SETD3: variants seen among roughly 807,000 people sequenced by gnomAD.
SETD3 encodes actin-histidine N-methyltransferase.
SETD3 carries 19 observed loss-of-function variants against 63.0 expected under a neutral mutation model. The ratio of observed to expected loss-of-function variants is 0.30; its 90% CI spans 0.21 to 0.44. SETD3 has a LOEUF of 0.44. Among genes scored for constraint, SETD3 ranks in the 20% least tolerant of loss-of-function variants. The pLI, the probability that SETD3 is intolerant of heterozygous loss-of-function variation, is 1.00. For synonymous variants in SETD3, 286 were observed against 264.1 expected (o/e 1.08, Z -0.80); for missense variants, 587 against 728.5 (o/e 0.81, Z 2.24).
At chr14:99,410,270 G>C (rs770207587) in intron 8 of SETD3, 3 of 1,612,006 alleles carry the variant, frequency 1.9e-6, no homozygotes, top group South Asian at 1.1e-5. Context: ...CGGAGGGTGT[G>C]GGGGGACAGG....
At position 99,399,062 on chromosome 14, in the gene SETD3, G is replaced by A. The variant is rs113162506; in HGVS notation, c.1402C>T (p.Arg468Cys). 6.1e-5 allele frequency: 98 copies of A among 1,613,962 alleles called. No homozygotes were observed. The highest frequency in any genetic ancestry group is 8.0e-5 in the Non-Finnish European group (94 of 1,180,046). Reference protein sequence around the residue: ...SVRAKMAIKLRLGEKEILEKA... With the variant: ...SVRAKMAIKLCLGEKEILEKA... Reference sequence around the variant, plus strand: ...TCCAAAATCTCTTTCTCACCTAAGCGCAATTTGATGGCCATTTTTGCACGA... The same window carrying A: ...TCCAAAATCTCTTTCTCACCTAAGCACAATTTGATGGCCATTTTTGCACGA... Residue 468 changes from arginine (R) to cysteine (C), a missense_variant, in exon 13 of 13, where the codon CGC (arginine) becomes TGC (cysteine). Arg to Cys is a radical substitution (Grantham distance 180). Coordinates refer to ENST00000331768, the MANE Select transcript of SETD3 (RefSeq NM_032233.3).
chr14:99,470,654 G>A (rs1226768411), intron 1 of SETD3, among the ~76,000 whole-genome samples: 1 of 152,106 alleles, frequency 6.6e-6, no homozygotes, highest in Non-Finnish European at 1.5e-5. Flanking sequence ...CCAGGCAGTC[G>A]GGCGTGAACT....
At chr14:99,486,133 C>T in the SETD3 span, among the ~76,000 whole-genome samples, 10 of 152,296 alleles carry the variant, frequency 6.6e-5, no homozygotes, top group African/African-American at 2.4e-4. Flanking sequence ...GTAAACTTTC[C>T]TTAGTTCCTT....
chr14:99,428,697 G>A (rs575484417), intron 6 of SETD3, among the ~76,000 whole-genome samples: 1 of 152,120 alleles, frequency 6.6e-6, no homozygotes, highest in Non-Finnish European at 1.5e-5. Context: ...AGAAAATGTG[G>A]GGAGGGGGTA....
intron 11 of SETD3, among the ~76,000 whole-genome samples, chr14:99,400,546 T>C (rs1376978905): frequency 2.0e-5 from 3 of 152,144 alleles, no homozygotes; most frequent in Non-Finnish European, 4.4e-5. Flanking sequence ...TTTAGACAGT[T>C]TCACAAGATA....
At chr14:99,485,744 C>A (rs1029435919), upstream of SETD3, among the ~76,000 whole-genome samples, 1 of 152,130 alleles carries the variant, frequency 6.6e-6, no homozygotes, top group South Asian at 2.1e-4. Context: ...CCTGTAATCC[C>A]AGCTACTCAG....
intron 1 of SETD3, among the ~76,000 whole-genome samples, chr14:99,479,364 T>C (rs1323382165): frequency 6.6e-6 from 1 of 152,240 alleles, no homozygotes. Flanking sequence ...CGGCAGCCCT[T>C]GGGACTAATC....
chr14:99,403,455 A>T (rs10145009), intron 11 of SETD3, among the ~76,000 whole-genome samples: 11,670 of 134,746 alleles, frequency 0.087, 573 homozygotes, highest in African/African-American at 0.12. Flanking sequence ...ACACACACAC[A>T]CTCTCTCTCT....
intron 6 of SETD3, 152 bp from the exon 7 acceptor site, chr14:99,414,086 C>T (rs550717094): frequency 2.8e-5 from 19 of 678,542 alleles, no homozygotes; most frequent in African/African-American, 2.5e-4. Context: ...GAGGGATCAT[C>T]GCGCTGTTAT....
At chr14:99,452,822 G>A (rs1894533307) in intron 6 of SETD3, among the ~76,000 whole-genome samples, 1 of 152,340 alleles carries the variant, frequency 6.6e-6, no homozygotes, top group East Asian at 1.9e-4. Flanking sequence ...ATGGCCTGTA[G>A]ACCTCCGAGC....
At chr14:99,475,719 C>T (rs1895940475) in intron 1 of SETD3, among the ~76,000 whole-genome samples, 1 of 152,164 alleles carries the variant, frequency 6.6e-6, no homozygotes, top group African/African-American at 2.4e-5. Context: ...ATGGACTACC[C>T]ACCTTCCTGG....
chr14:99,459,665 A>G (rs909497826), intron 4 of SETD3, among the ~76,000 whole-genome samples: 8 of 152,232 alleles, frequency 5.3e-5, no homozygotes, highest in African/African-American at 1.7e-4. Context: ...TTAAAGCACA[A>G]CAGTTACTAG....
rs1210657671 is a variant in SETD3, at chr14:99,398,142, C to T, written c.*537G>A. The T allele has an allele frequency of 6.6e-6, 1 of 152,088 alleles. No individual in the cohort carries two copies. Among genetic ancestry groups the T allele is most frequent in the Admixed American group, 6.6e-5 (1 of 15,252 alleles). The allele number at this position is 152,088 out of a possible 1,614,324, so 9.4% of individuals were successfully genotyped here. On this transcript the variant is annotated 3_prime_UTR_variant, in exon 13 of 13. Coordinates refer to ENST00000331768, the MANE Select transcript of SETD3 (RefSeq NM_032233.3). ...ATTAAAAATAAGGTTGCCACCTTAC[C>T]TTTTCTTTTGGTAATGGGGTGTTAT...
chr14:99,421,589 T>C (rs1369671376), intron 6 of SETD3, among the ~76,000 whole-genome samples: 2 of 152,152 alleles, frequency 1.3e-5, no homozygotes, highest in Non-Finnish European at 2.9e-5. Context: ...AAGCTCTCTG[T>C]CATCTCCATG....
intron 11 of SETD3, among the ~76,000 whole-genome samples, chr14:99,403,782 G>A (rs1304014681): frequency 6.6e-6 from 1 of 152,184 alleles, no homozygotes; most frequent in Non-Finnish European, 1.5e-5. Context: ...TTCAGATTTA[G>A]AATGCAGAGT....
chr14:99,424,902 G>A (rs1261832147), intron 6 of SETD3, among the ~76,000 whole-genome samples: 3 of 152,140 alleles, frequency 2.0e-5, no homozygotes, highest in Non-Finnish European at 1.5e-5. Context: ...CGGCCAGGCT[G>A]AGAAGGCTAG....
chr14:99,478,689 T>G (rs1299078003), intron 1 of SETD3: 3 of 152,176 alleles, frequency 2.0e-5, no homozygotes, highest in Admixed American at 2.0e-4. Flanking sequence ...ATTCAATGAT[T>G]GTCTACTAAA....
At chr14:99,454,667 T>G (rs1201335127) in intron 6 of SETD3, among the ~76,000 whole-genome samples, 1 of 152,184 alleles carries the variant, frequency 6.6e-6, no homozygotes, top group Non-Finnish European at 1.5e-5. Context: ...GTGGATCAAC[T>G]CTGCTCGCTC....
chr14:99,413,798 C>T (rs1294877817), intron 7 of SETD3, 78 bp downstream of exon 7: 3 of 1,352,288 alleles, frequency 2.2e-6, no homozygotes, highest in Non-Finnish European at 3.2e-6. Flanking sequence ...CTCACTGAAG[C>T]CCTTCCCTCC....
Sources: gnomAD v4.1 joint callset for allele counts (sites outside exome capture counted in the v4.1 genomes callset) on GRCh38, gnomAD v4.1.1 for gene constraint, MANE v1.5 for transcripts, NCBI Gene and HGNC (gene_info 2026-07-23, HGNC 2026-07-21) for gene names.